ISM2: variants seen among roughly 807,000 people sequenced by gnomAD.
ISM2 encodes isthmin-2.
Under a neutral mutation model 58.0 loss-of-function variants are expected in ISM2, and 50 were observed. That is an observed-to-expected ratio of 0.86 (90% CI 0.69 to 1.09). ISM2 has a LOEUF of 1.09. Among genes scored for constraint, ISM2 ranks in the 50% least tolerant of loss-of-function variants. The pLI, the probability that ISM2 is intolerant of heterozygous loss-of-function variation, is 0.00. For synonymous variants in ISM2, 303 were observed against 312.4 expected (o/e 0.97, Z 0.32); for missense variants, 723 against 745.0 (o/e 0.97, Z 0.34).
chr14:77,478,637 C>G lies in ISM2; in HGVS notation c.1052G>C (p.Arg351Pro), dbSNP rs1005045450. ...GGCAGTGCAGCCATAGCCACAGGGC[C>G]GAGTCCTCTGCTGCTTGCCAGTGCT... Reference protein sequence around the residue: ...NCSTGKQQRTRPCGYGCTATE... With the variant: ...NCSTGKQQRTPPCGYGCTATE... The change falls in exon 5 of 7, where the codon CGG becomes CCG. Residue 351 changes from arginine (R) to proline (P), a missense_variant. Transcript: ENST00000342219. 1 of 1,613,738 alleles carries G rather than the reference C, an allele frequency of 6.2e-7. No homozygotes were observed. Among genetic ancestry groups the G allele is most frequent in the African/African-American group, 1.3e-5 (1 of 74,856 alleles).
intron 6 of ISM2, among the ~76,000 whole-genome samples, chr14:77,476,559 A>G (rs1421655143): frequency 2.0e-5 from 3 of 152,182 alleles, no homozygotes; most frequent in African/African-American, 7.2e-5. Flanking sequence ...TTCTCAGGCA[A>G]TCTGGCCTGG....
chr14:77,489,909 G>A (rs903870392), intron 1 of ISM2, among the ~76,000 whole-genome samples: 1 of 152,172 alleles, frequency 6.6e-6, no homozygotes, highest in East Asian at 1.9e-4. Context: ...TGTCGCCCAG[G>A]CTGGAGTGCA....
At chr14:77,496,115 T>C (rs2079238084) in intron 1 of ISM2, among the ~76,000 whole-genome samples, 1 of 147,936 alleles carries the variant, frequency 6.8e-6, no homozygotes, top group Non-Finnish European at 1.5e-5. Context: ...CTCTTGAGGC[T>C]GAGGCAGGAG....
intron 4 of ISM2, among the ~76,000 whole-genome samples, chr14:77,479,347 C>T (rs9323643): frequency 0.82 from 122,759 of 150,070 alleles, 50,985 homozygotes; most frequent in East Asian, 0.96. Context: ...GCCTCCCATG[C>T]AGCTGGAATT....
At position 77,498,782 on chromosome 14, in the gene ISM2, G is replaced by A; in HGVS notation, c.12C>T (p.Leu4=). The A allele has an allele frequency of 6.9e-7, 1 of 1,452,020 alleles. No homozygotes were observed. The highest frequency in any genetic ancestry group is 9.0e-7 in the Non-Finnish European group (1 of 1,111,974). The allele number at this position is 1,452,020 out of a possible 1,614,324, so 89.9% of individuals were successfully genotyped here. A position where few individuals can be genotyped will look rare whatever the true frequency, so the allele number is the denominator to read the frequency against. Residue 4 remains leucine, a synonymous_variant, in exon 1 of 7, where the codon CTC becomes CTT. Coordinates refer to ENST00000342219, the MANE Select transcript of ISM2 (RefSeq NM_199296.3). MRA[L]RDRAGLLLCV... ...AGAGGAGGAGCCCGGCTCGGTCGCG[G>A]AGCGCACGCATCGTCTCGGTTCCGA...
intron 1 of ISM2, among the ~76,000 whole-genome samples, chr14:77,492,888 G>A (rs2079214951): frequency 6.6e-6 from 1 of 152,116 alleles, no homozygotes; most frequent in African/African-American, 2.4e-5. Flanking sequence ...CAGCTACTCA[G>A]GAAGGCTGAG....
intron 1 of ISM2, among the ~76,000 whole-genome samples, chr14:77,497,744 AGGG>A (rs1315274881): frequency 2.7e-4 from 12 of 45,096 alleles, no homozygotes; most frequent in East Asian, 6.3e-4. Context: ...GGAAGGAGGG[AGGG>A]AGGGAGGGAG....
At chr14:77,498,298 T>A in intron 1 of ISM2, 1 of 1,343,426 alleles carries the variant, frequency 7.4e-7, no homozygotes, top group Non-Finnish European at 9.8e-7. Flanking sequence ...GCGGGACTCC[T>A]CTCCGAGCTA....
At chr14:77,488,767 G>A (rs1417077237) in intron 1 of ISM2, among the ~76,000 whole-genome samples, 1 of 152,164 alleles carries the variant, frequency 6.6e-6, no homozygotes, top group Non-Finnish European at 1.5e-5. Flanking sequence ...CCCTCGCCAG[G>A]CAACATGCCA....
Position 77,476,078 on chromosome 14 carries a change from C to G in ISM2, c.1233G>C (p.Lys411Asn). ...TCAGATACTTGATTAGGAAGTCGCT[C>G]TTGCAGTTCAGCCACTTCTCACAGC... ...VDSCEKWLNCKSDFLIKYLSQ... is the reference protein window; with the variant it reads ...VDSCEKWLNCNSDFLIKYLSQ... Residue 411 changes from lysine to asparagine, a missense_variant, in exon 7 of 7, where the codon AAG (lysine) becomes AAC (asparagine). Physicochemically the swap from Lys to Asn is moderately conservative, Grantham distance 94 (BLOSUM62 0). Coordinates refer to ENST00000342219, the MANE Select transcript of ISM2 (RefSeq NM_199296.3). 1 of 1,527,424 alleles carries G rather than the reference C, an allele frequency of 6.5e-7. No individual in the cohort carries two copies. 94.6% of individuals were successfully genotyped at this position (1,527,424 alleles called of 1,614,324 possible).
chr14:77,497,848 G>T (rs892379278), intron 1 of ISM2, among the ~76,000 whole-genome samples: 8 of 150,492 alleles, frequency 5.3e-5, no homozygotes, highest in African/African-American at 1.7e-4. Context: ...GGCAAGATGG[G>T]AAGAGCTATT....
At chr14:77,496,050 T>TA (rs1212731856) in intron 1 of ISM2, among the ~76,000 whole-genome samples, 8 of 151,570 alleles carry the variant, frequency 5.3e-5, no homozygotes, top group Admixed American at 2.6e-4. Flanking sequence ...CCATCTCTAC[T>TA]AAAAAAATAC....
At position 77,482,357 on chromosome 14, in the gene ISM2, G is replaced by A. The variant is rs761226980; in HGVS notation, c.938C>T (p.Pro313Leu). Residue 313 changes from proline (P) to leucine (L), a missense_variant, in exon 4 of 7, where the codon CCC becomes CTC. Coordinates refer to ENST00000342219, the MANE Select transcript of ISM2 (RefSeq NM_199296.3). ...AGAATCCTTGAAGACCCAATCCCCG[G>A]GGGCCAGCCAGCCCTGGTCCCAGTT... ...TDNWDQGWLAPGDWVFKDSVS... is the reference protein window; with the variant it reads ...TDNWDQGWLALGDWVFKDSVS... The A allele has an allele frequency of 6.2e-7, 1 of 1,613,836 alleles. No individual in the cohort carries two copies. Among genetic ancestry groups the A allele is most frequent in the South Asian group, 1.1e-5 (1 of 91,038 alleles).
At chr14:77,497,592 G>A (rs1015179083) in intron 1 of ISM2, among the ~76,000 whole-genome samples, 4 of 151,662 alleles carry the variant, frequency 2.6e-5, no homozygotes, top group African/African-American at 9.7e-5. Flanking sequence ...TACCCAGGAG[G>A]CTGAGGCTGG....
chr14:77,490,253 T>C (rs1414940359), intron 1 of ISM2, among the ~76,000 whole-genome samples: 1 of 152,206 alleles, frequency 6.6e-6, no homozygotes, highest in Non-Finnish European at 1.5e-5. Flanking sequence ...CGCCTCGGCC[T>C]CCCAAAGTGC....
In ISM2 at chr14:77,482,322, C is replaced by A. The variant is rs749516021; in HGVS notation, c.973G>T (p.Asp325Tyr). ...GGGATGCCAAGATGGGGGTGCTCAC[C>A]GTAGCTGACAGAATCCTTGAAGACC... ...DWVFKDSVSY[D>Y]YEPQKEWSPW... Residue 325 changes from aspartate (D) to tyrosine (Y), a missense_variant and splice_region_variant, in exon 4 of 7, where the codon GAC becomes TAC. Physicochemically the swap from Asp to Tyr is radical, Grantham distance 160. Transcript: ENST00000342219. 5.0e-6 allele frequency: 8 copies of A among 1,609,766 alleles called. No individual in the cohort carries two copies. The highest frequency in any genetic ancestry group is 8.5e-7 in the Non-Finnish European group (1 of 1,177,690).
chr14:77,485,260 G>T (rs2079160958), intron 1 of ISM2, among the ~76,000 whole-genome samples: 1 of 152,208 alleles, frequency 6.6e-6, no homozygotes, highest in Non-Finnish European at 1.5e-5. Context: ...TCAGAGAGTG[G>T]TGTCCTTTGC....
rs2079093721 is a variant in ISM2, at chr14:77,475,800, C to A, written c.1511G>T (p.Gly504Val). The A allele has an allele frequency of 1.2e-6, 2 of 1,613,218 alleles. No homozygotes were observed. Among genetic ancestry groups the A allele is most frequent in the Admixed American group, 3.3e-5 (2 of 59,992 alleles). ...GAGGTTGGGCATGCCGGCGCCCTTG[C>A]CACGGGTCAGCAGCCGGCTGTCCTC... is the stretch of plus-strand genomic sequence containing the variant. The part of the protein sequence containing the change: ...YDEDSRLLTR[G>V]KGAGMPNLIS... The change falls in exon 7 of 7, where the codon GGC becomes GTC. Residue 504 changes from glycine to valine, a missense_variant. Physicochemically the swap from Gly to Val is moderately radical, Grantham distance 109 (BLOSUM62 -3). Coordinates refer to ENST00000342219, the MANE Select transcript of ISM2 (RefSeq NM_199296.3). This position sits in a 1 kb window ranked among gnomAD's most constrained non-coding sequence, Gnocchi z 4.1.
rs770608171 is a variant in ISM2 at position 77,488,035 on chromosome 14, C to A, written c.142-3116G>T. ...CAGGGCCGGGCACCCAGAGGCCCAG[C>A]CCATAGCCAACCTCTGGACACATCT... On this transcript the variant is annotated intron_variant, in intron 1 of 6. Coordinates refer to ENST00000342219, the MANE Select transcript of ISM2 (RefSeq NM_199296.3). 3.3e-5 allele frequency among the ~76,000 whole-genome samples: 5 copies of A among 152,162 alleles called. No homozygotes were observed. The East Asian group carries it at 5.8e-4, about 18-fold the overall frequency.
Sources: allele counts gnomAD v4.1 joint callset (sites outside exome capture counted in the v4.1 genomes callset), GRCh38; gene constraint gnomAD v4.1.1; non-coding constraint Gnocchi (gnomAD v3.1); transcripts MANE v1.5; gene names NCBI Gene and HGNC (gene_info 2026-07-23, HGNC 2026-07-21).